The following KCNQ5 variants were observed in gnomAD, a reference collection of about 807,000 sequenced individuals.
KCNQ5 encodes potassium voltage-gated channel subfamily Q member 5.
Under a neutral mutation model 98.2 loss-of-function variants are expected in KCNQ5, and 30 were observed. That is an observed-to-expected ratio of 0.31 (90% CI 0.23 to 0.41). The LOEUF is 0.41. KCNQ5 is among the 10% of genes least tolerant of loss of function. KCNQ5 has a pLI of 1.00. For missense variants in KCNQ5, 835 were observed against 1,182.5 expected (o/e 0.71, Z 4.31); for synonymous variants, 458 against 449.4 (o/e 1.02, Z -0.24).
At chr6:72,840,811 G>C (rs1776756268) in intron 1 of KCNQ5, among the ~76,000 whole-genome samples, 1 of 152,222 alleles carries the variant, frequency 6.6e-6, no homozygotes, top group African/African-American at 2.4e-5. Context: ...GCAGTGGACA[G>C]TCTTCTGTGA....
chr6:72,671,966 G>A (rs558319347), intron 1 of KCNQ5, among the ~76,000 whole-genome samples: 26 of 151,310 alleles, frequency 1.7e-4, no homozygotes, highest in African/African-American at 4.4e-4. Flanking sequence ...ACAGGCACCC[G>A]CCACCACGCC....
chr6:72,766,231 T>C (rs1036228827), intron 1 of KCNQ5, among the ~76,000 whole-genome samples: 1 of 151,086 alleles, frequency 6.6e-6, no homozygotes, highest in Non-Finnish European at 1.5e-5. Flanking sequence ...GCTTGAGGAG[T>C]TGGGATAACA....
At chr6:72,758,649 C>T (rs1478249293) in intron 1 of KCNQ5, among the ~76,000 whole-genome samples, 1 of 152,026 alleles carries the variant, frequency 6.6e-6, no homozygotes, top group Non-Finnish European at 1.5e-5. Flanking sequence ...AGAACAGGCA[C>T]ACAAATGAGC....
chr6:72,979,374 G>C (rs894859483), intron 1 of KCNQ5, among the ~76,000 whole-genome samples: 2 of 152,146 alleles, frequency 1.3e-5, no homozygotes, highest in African/African-American at 4.8e-5. Context: ...ATTCTAACTG[G>C]TGTGAGATGG....
chr6:72,938,032 C>T (rs533859609), intron 1 of KCNQ5, among the ~76,000 whole-genome samples: 1 of 152,262 alleles, frequency 6.6e-6, no homozygotes, highest in African/African-American at 2.4e-5. Flanking sequence ...CTGCCCTGAC[C>T]ACCTTACAAG....
intron 1 of KCNQ5, among the ~76,000 whole-genome samples, chr6:72,963,654 TTTTATTTA>T (rs144818469): frequency 5.9e-5 from 9 of 152,054 alleles, no homozygotes; most frequent in South Asian, 2.1e-4. Flanking sequence ...ACAGCTTTTA[TTTTATTTA>T]TTTATTTATT....
intron 1 of KCNQ5, among the ~76,000 whole-genome samples, chr6:72,663,204 A>G (rs1274729383): frequency 6.6e-6 from 1 of 152,088 alleles, no homozygotes; most frequent in Non-Finnish European, 1.5e-5. Context: ...GGTGCAGCAA[A>G]CCACCATGGC....
intron 2 of KCNQ5, among the ~76,000 whole-genome samples, chr6:73,039,820 T>C (rs1367855370): frequency 6.6e-6 from 1 of 152,170 alleles, no homozygotes; most frequent in Non-Finnish European, 1.5e-5. Flanking sequence ...ATCAGTCAGA[T>C]CCTGCAGGTT....
chr6:72,982,744 G>A (rs1768533118), intron 1 of KCNQ5, among the ~76,000 whole-genome samples: 1 of 152,148 alleles, frequency 6.6e-6, no homozygotes, highest in South Asian at 2.1e-4. Context: ...TTGCCCATTA[G>A]TTGATGCAGT....
chr6:73,041,872 A>T (rs1771720484), intron 2 of KCNQ5, 64 bp from the exon 3 acceptor site: 1 of 1,589,778 alleles, frequency 6.3e-7, no homozygotes, highest in African/African-American at 1.3e-5. Flanking sequence ...AAATATGCAT[A>T]GAGCTTCTTA....
intron 2 of KCNQ5, among the ~76,000 whole-genome samples, chr6:73,021,195 A>G (rs1379987194): frequency 6.6e-6 from 1 of 152,142 alleles, no homozygotes; most frequent in African/African-American, 2.4e-5. Context: ...GGTCTGTAGC[A>G]GTGGATGGTC....
intron 1 of KCNQ5, among the ~76,000 whole-genome samples, chr6:72,804,140 C>A (rs1400858789): frequency 1.3e-5 from 2 of 152,060 alleles, no homozygotes; most frequent in South Asian, 4.1e-4. Context: ...ATAATCACAT[C>A]ACCTCAAGCA....
At chr6:73,047,288 T>C (rs1183862736) in intron 3 of KCNQ5, among the ~76,000 whole-genome samples, 3 of 152,210 alleles carry the variant, frequency 2.0e-5, no homozygotes, top group Non-Finnish European at 4.4e-5. Flanking sequence ...TAAATTATGT[T>C]ACCTATTGCT....
chr6:72,751,517 A>G (rs904791716), intron 1 of KCNQ5, among the ~76,000 whole-genome samples: 7 of 152,114 alleles, frequency 4.6e-5, no homozygotes, highest in East Asian at 1.9e-4. Flanking sequence ...CATTTACAAT[A>G]CAAAAATCAT....
intron 1 of KCNQ5, among the ~76,000 whole-genome samples, chr6:73,003,515 G>A (rs967403551): frequency 1.3e-5 from 2 of 152,190 alleles, no homozygotes; most frequent in Admixed American, 6.5e-5. Context: ...AGACAGACTC[G>A]GCTCCTTTGA....
chr6:72,872,737 T>C (rs545783270), intron 1 of KCNQ5, among the ~76,000 whole-genome samples: 1 of 152,094 alleles, frequency 6.6e-6, no homozygotes, highest in South Asian at 2.1e-4. Context: ...TGTACAAAAA[T>C]AGGGGGATCT....
intron 7 of KCNQ5, among the ~76,000 whole-genome samples, chr6:73,117,350 A>G (rs576021328): frequency 1.3e-5 from 2 of 152,326 alleles, no homozygotes; most frequent in Non-Finnish European, 2.9e-5. Context: ...AATATCAGCC[A>G]TGTGACAGAT....
At chr6:72,844,339 T>G (rs1216864279) in intron 1 of KCNQ5, among the ~76,000 whole-genome samples, 2 of 152,186 alleles carry the variant, frequency 1.3e-5, no homozygotes, top group African/African-American at 4.8e-5. Context: ...TCCTGTTTAT[T>G]TACTTTTCTT....
Position 72,746,064 on chromosome 6 carries a change from CAAAAAAAAAAAAAAAAAAAAAAAAAAAA to C in KCNQ5, c.398+123490_398+123517del, listed in dbSNP as rs59726566. ...ATTATATCCGCAAAGACTCTATTTGCAAAAAAAAAAAAAAAAAAAAAAAAAAAAAAAAAAAAAAAAGGGTCACATTCAC... is the reference window on the plus strand; with the variant it reads ...ATTATATCCGCAAAGACTCTATTTGCAAAAAAAAAAAAGGGTCACATTCAC... On this transcript the variant is annotated intron_variant, in intron 1 of 13. Coordinates refer to ENST00000370398, the MANE Select transcript of KCNQ5 (RefSeq NM_019842.4). Among the ~76,000 whole-genome samples, 384 of 80,212 alleles carry C rather than the reference CAAAAAAAAAAAAAAAAAAAAAAAAAAAA, an allele frequency of 4.8e-3. 7 individuals carry two copies. The highest frequency in any genetic ancestry group is 0.013 in the African/African-American group (367 of 28,688). 52.6% of individuals were successfully genotyped at this position (80,212 alleles called of 152,430 possible).
Sources: allele counts gnomAD v4.1 joint callset (sites outside exome capture counted in the v4.1 genomes callset), GRCh38; gene constraint gnomAD v4.1.1; transcripts MANE v1.5; gene names NCBI Gene and HGNC (gene_info 2026-07-23, HGNC 2026-07-21).